DOCK5: variants seen among roughly 807,000 people sequenced by gnomAD.
DOCK5 encodes dedicator of cytokinesis 5.
DOCK5 carries 142 observed loss-of-function variants against 251.8 expected under a neutral mutation model. That is an observed-to-expected ratio of 0.56 (90% CI 0.49 to 0.65). The LOEUF (loss-of-function observed/expected upper bound fraction) is 0.65, where lower values mean the gene tolerates loss of function less well. Among genes scored for constraint, DOCK5 ranks in the 30% least tolerant of loss-of-function variants. DOCK5 has a pLI of 0.00. For synonymous variants in DOCK5, 842 were observed against 835.5 expected (o/e 1.01, Z -0.13); for missense variants, 2,111 against 2,312.3 (o/e 0.91, Z 1.79).
In DOCK5 at chr8:25,412,800, CTG is replaced by C. The variant is rs1801653872; in HGVS notation, c.*1506_*1507del. ...AGCTGGTATTTGCCTGCCTGATTCT[CTG>C]TGTTTCCTGTTTCACCGCCACCCTT... On this transcript the variant is annotated 3_prime_UTR_variant, in exon 52 of 52. Coordinates refer to ENST00000276440, the MANE Select transcript of DOCK5 (RefSeq NM_024940.8). 1 of 152,244 alleles carries C rather than the reference CTG, an allele frequency of 6.6e-6. No individual in the cohort carries two copies. The highest frequency in any genetic ancestry group is 6.5e-5 in the Admixed American group (1 of 15,274). The allele number at this position is 152,244 out of a possible 1,614,324, so 9.4% of individuals were successfully genotyped here.
chr8:25,224,477 A>G (rs1383566748), intron 1 of DOCK5, among the ~76,000 whole-genome samples: 1 of 152,224 alleles, frequency 6.6e-6, no homozygotes, highest in African/African-American at 2.4e-5. Context: ...TATGTGGCAT[A>G]TATTATGGAC....
chr8:25,400,702 T>G (rs938582329), intron 46 of DOCK5, among the ~76,000 whole-genome samples: 4 of 152,034 alleles, frequency 2.6e-5, no homozygotes, highest in African/African-American at 9.7e-5. Flanking sequence ...CATCCCACAG[T>G]CCTTCCCCAG....
chr8:25,235,199 T>C (rs1802765116), intron 1 of DOCK5, among the ~76,000 whole-genome samples: 2 of 152,182 alleles, frequency 1.3e-5, no homozygotes, highest in Admixed American at 1.3e-4. Context: ...CCTATGATTA[T>C]ACACCATAGA....
At chr8:25,185,025 G>C (rs1217584248) in intron 1 of DOCK5, 74 bp downstream of exon 1, 2 of 1,271,724 alleles carry the variant, frequency 1.6e-6, no homozygotes, top group East Asian at 6.2e-5. Flanking sequence ...TGCCAGGTTT[G>C]CGCAGAGCCC....
intron 40 of DOCK5, among the ~76,000 whole-genome samples, chr8:25,384,726 T>C (rs1801134081): frequency 1.3e-5 from 2 of 151,900 alleles, no homozygotes; most frequent in Admixed American, 1.3e-4. Flanking sequence ...TCCCAAAGTT[T>C]TGGAATTATA....
chr8:25,299,252 C>A, intron 8 of DOCK5, 151 bp downstream of exon 8: 1 of 854,950 alleles, frequency 1.2e-6, no homozygotes, highest in Non-Finnish European at 1.7e-6. Context: ...ATCATATGGT[C>A]TATGAAGCCT....
intron 30 of DOCK5, among the ~76,000 whole-genome samples, chr8:25,365,682 T>C (rs1050154291): frequency 8.5e-5 from 13 of 152,118 alleles, no homozygotes; most frequent in African/African-American, 2.9e-4. Flanking sequence ...TAATCAGAGG[T>C]ACTTTCAATT....
chr8:25,367,450 A>G (rs777751199), intron 31 of DOCK5, among the ~76,000 whole-genome samples: 4 of 152,328 alleles, frequency 2.6e-5, no homozygotes, highest in African/African-American at 9.6e-5. Flanking sequence ...AGAAGTGATA[A>G]GAGATTTAGG....
chr8:25,229,267 A>C (rs1162889457), intron 1 of DOCK5, among the ~76,000 whole-genome samples: 7 of 152,108 alleles, frequency 4.6e-5, no homozygotes, highest in African/African-American at 1.4e-4. Context: ...AGATCACCTG[A>C]GGTTAGGAGT....
intron 2 of DOCK5, among the ~76,000 whole-genome samples, chr8:25,250,046 A>G (rs913216068): frequency 2.1e-4 from 32 of 152,198 alleles, no homozygotes; most frequent in Admixed American, 1.6e-3. Flanking sequence ...GCAAGTTTTT[A>G]TGTGGACATA....
chr8:25,193,016 C>CTTG (rs1801625004), intron 1 of DOCK5, among the ~76,000 whole-genome samples: 1 of 152,148 alleles, frequency 6.6e-6, no homozygotes, highest in Non-Finnish European at 1.5e-5. Context: ...GAGCCCCAGA[C>CTTG]CTGCTTTTTC....
intron 4 of DOCK5, among the ~76,000 whole-genome samples, chr8:25,275,914 T>C (rs1804033995): frequency 6.6e-6 from 1 of 152,236 alleles, no homozygotes; most frequent in Non-Finnish European, 1.5e-5. Flanking sequence ...AGAAAAACTT[T>C]TCACTCATAC....
intron 5 of DOCK5, among the ~76,000 whole-genome samples, chr8:25,285,069 C>G (rs1396906431): frequency 6.6e-6 from 1 of 152,120 alleles, no homozygotes; most frequent in African/African-American, 2.4e-5. Flanking sequence ...TAATCCTACT[C>G]CTTATGGAAA....
rs1805965482 is a variant in DOCK5 at position 25,341,927 on chromosome 8, C to T, written c.2510+118C>T. On this transcript the variant is annotated intron_variant, in intron 24 of 51. Transcript: ENST00000276440. ...TTTCTAAGAAGTATTAACTGAATACCTTTTTGTGCTCAGTTCTGTGGAAGA... is the reference window on the plus strand; with the variant it reads ...TTTCTAAGAAGTATTAACTGAATACTTTTTTGTGCTCAGTTCTGTGGAAGA... 2.3e-5 allele frequency: 18 copies of T among 790,340 alleles called. No individual in the cohort carries two copies. The South Asian group carries it at 3.3e-4, about 15-fold the overall frequency. The allele number at this position is 790,340 out of a possible 1,614,324, so 49.0% of individuals were successfully genotyped here. A position where few individuals can be genotyped will look rare whatever the true frequency, so the allele number is the denominator to read the frequency against.
At chr8:25,291,362 T>A (rs1054080820) in intron 5 of DOCK5, among the ~76,000 whole-genome samples, 2 of 152,172 alleles carry the variant, frequency 1.3e-5, no homozygotes, top group Admixed American at 6.6e-5. Context: ...CAGCTTACTC[T>A]ATGACACGAT....
intron 24 of DOCK5, 62 bp downstream of exon 24, chr8:25,341,871 G>C: frequency 7.3e-7 from 1 of 1,368,052 alleles, no homozygotes; most frequent in Non-Finnish European, 1.0e-6. Flanking sequence ...CTGCTTGGCT[G>C]GAGCCTGGGC....
intron 1 of DOCK5, among the ~76,000 whole-genome samples, chr8:25,215,132 C>T (rs769044864): frequency 2.6e-5 from 4 of 152,080 alleles, no homozygotes; most frequent in Non-Finnish European, 5.9e-5. Flanking sequence ...ATCCAGCCCC[C>T]GTTGGGATAT....
rs1302738335 is a variant in DOCK5 at position 25,413,321 on chromosome 8, T to A, written c.*2023T>A. ...AGTTTGGAATGTGAGTGCAAGTTAG[T>A]TCTGCACATACAGCCCTTCTCCAAA... On this transcript the variant is annotated 3_prime_UTR_variant, in exon 52 of 52. Coordinates refer to ENST00000276440, the MANE Select transcript of DOCK5 (RefSeq NM_024940.8). 6.6e-6 allele frequency: 1 copy of A among 152,208 alleles called. No individual in the cohort carries two copies. Among genetic ancestry groups the A allele is most frequent in the East Asian group, 1.9e-4 (1 of 5,198 alleles). 9.4% of individuals were successfully genotyped at this position (152,208 alleles called of 1,614,324 possible).
At chr8:25,314,617 A>G (rs1419291339) in intron 13 of DOCK5, among the ~76,000 whole-genome samples, 5 of 111,858 alleles carry the variant, frequency 4.5e-5, no homozygotes, top group Non-Finnish European at 8.7e-5. Flanking sequence ...CCATCCACCT[A>G]CCCATCCAAC....
Sources: gnomAD v4.1 joint callset for allele counts (sites outside exome capture counted in the v4.1 genomes callset) on GRCh38, gnomAD v4.1.1 for gene constraint, MANE v1.5 for transcripts, NCBI Gene and HGNC (gene_info 2026-07-23, HGNC 2026-07-21) for gene names.